Variants in LHFPL3 observed in about 807,000 individuals in gnomAD.
The protein encoded by LHFPL3 is LHFPL tetraspan subfamily member 3 protein.
LHFPL3 carries 5 observed loss-of-function variants against 19.3 expected under a neutral mutation model. The ratio of observed to expected loss-of-function variants is 0.26; its 90% confidence interval spans 0.14 to 0.54. LHFPL3 has a LOEUF of 0.54. Among genes scored for constraint, LHFPL3 ranks in the 20% least tolerant of loss-of-function variants. LHFPL3 has a pLI of 0.94. For synonymous variants in LHFPL3, 133 were observed against 126.2 expected, an observed-to-expected ratio of 1.05 and a Z score of -0.36; for missense variants, 249 against 307.4, an observed-to-expected ratio of 0.81 and a Z score of 1.42.
chr7:104,905,678 A>G (rs139713638), intron 2 of LHFPL3, among the ~76,000 whole-genome samples: 85 of 152,378 alleles, frequency 5.6e-4, no homozygotes, highest in African/African-American at 1.8e-3. Flanking sequence ...TACTGTAATT[A>G]CAATTGTATA....
intron 2 of LHFPL3, among the ~76,000 whole-genome samples, chr7:104,824,387 ATAAT>A (rs1244008293): frequency 1.2e-3 from 10 of 8,380 alleles, no homozygotes; most frequent in Admixed American, 5.8e-3. Flanking sequence ...TATAATATAT[ATAAT>A]TATAGATAAT....
chr7:104,746,354 T>A (rs1794046505), intron 2 of LHFPL3, among the ~76,000 whole-genome samples: 1 of 151,112 alleles, frequency 6.6e-6, no homozygotes, highest in Non-Finnish European at 1.5e-5. Flanking sequence ...CTCCAGAGAG[T>A]CTCATTCAGT....
At chr7:104,451,260 T>G (rs1324431715) in intron 1 of LHFPL3, among the ~76,000 whole-genome samples, 1 of 152,226 alleles carries the variant, frequency 6.6e-6, no homozygotes, top group Non-Finnish European at 1.5e-5. Flanking sequence ...AGTACTGCTT[T>G]TTAAAATATC....
rs964997028 is a variant in LHFPL3 at position 104,853,416 on chromosome 7, T to G, written c.683-52771T>G. On this transcript the variant is annotated intron_variant, in intron 2 of 2. Transcript: ENST00000424859. ...CTACTCTGTGCCTGGGGGATCTTTCTCTCCCTCCTTCCAACCTTCTGGAAT... is the reference window on the plus strand; with the variant it reads ...CTACTCTGTGCCTGGGGGATCTTTCGCTCCCTCCTTCCAACCTTCTGGAAT... 3.3e-5 allele frequency among the ~76,000 whole-genome samples: 5 copies of G among 152,314 alleles called. No individual in the cohort carries two copies. The East Asian group carries it at 9.6e-4, about 29-fold the overall frequency.
At chr7:104,478,731 C>T (rs1793073972) in intron 1 of LHFPL3, among the ~76,000 whole-genome samples, 1 of 152,166 alleles carries the variant, frequency 6.6e-6, no homozygotes, top group Non-Finnish European at 1.5e-5. Context: ...AATCAAAGAG[C>T]CTTGCCAAGT....
intron 1 of LHFPL3, among the ~76,000 whole-genome samples, chr7:104,395,942 G>A (rs1206844546): frequency 1.3e-5 from 2 of 152,144 alleles, no homozygotes; most frequent in Non-Finnish European, 2.9e-5. Flanking sequence ...AAATAGGCAA[G>A]TAAACCTAAG....
chr7:104,845,303 C>A, intron 2 of LHFPL3: 2 of 802,298 alleles, frequency 2.5e-6, no homozygotes, highest in South Asian at 2.9e-5. Flanking sequence ...ATGACGTTGT[C>A]AGTTTTAATC....
intron 1 of LHFPL3, among the ~76,000 whole-genome samples, chr7:104,367,923 T>C (rs1790527450): frequency 6.6e-6 from 1 of 152,260 alleles, no homozygotes; most frequent in Non-Finnish European, 1.5e-5. Flanking sequence ...CAAGGCTTAC[T>C]TTCCCCTTGT....
chr7:104,765,543 T>C (rs1794443390), intron 2 of LHFPL3, among the ~76,000 whole-genome samples: 1 of 152,232 alleles, frequency 6.6e-6, no homozygotes, highest in Non-Finnish European at 1.5e-5. Context: ...GTGCTTTCCT[T>C]TCAACCTACC....
chr7:104,757,253 C>A (rs759402405), intron 2 of LHFPL3, among the ~76,000 whole-genome samples: 7 of 152,154 alleles, frequency 4.6e-5, no homozygotes, highest in Non-Finnish European at 2.9e-5. Context: ...ACTATAAAAT[C>A]TTAAAAGGAA....
At chr7:104,714,528 T>A (rs1793351885) in intron 1 of LHFPL3, among the ~76,000 whole-genome samples, 1 of 152,086 alleles carries the variant, frequency 6.6e-6, no homozygotes, top group Non-Finnish European at 1.5e-5. Flanking sequence ...TTTTTTTTTT[T>A]AGCAGTTCTT....
intron 2 of LHFPL3, among the ~76,000 whole-genome samples, chr7:104,855,202 T>G (rs1299952297): frequency 6.6e-6 from 1 of 152,218 alleles, no homozygotes; most frequent in Admixed American, 6.5e-5. Flanking sequence ...TGAGACACCG[T>G]GTCATGATGG....
intron 1 of LHFPL3, among the ~76,000 whole-genome samples, chr7:104,359,166 C>A (rs1458960701): frequency 6.6e-6 from 1 of 152,190 alleles, no homozygotes; most frequent in African/African-American, 2.4e-5. Flanking sequence ...AGAAACCACA[C>A]GTTGCATATT....
intron 1 of LHFPL3, among the ~76,000 whole-genome samples, chr7:104,596,449 G>C (rs1390283615): frequency 6.6e-6 from 1 of 152,152 alleles, no homozygotes; most frequent in Non-Finnish European, 1.5e-5. Flanking sequence ...ATGATTTATT[G>C]ATGGTTACAA....
intron 1 of LHFPL3, among the ~76,000 whole-genome samples, chr7:104,466,488 A>G (rs1331614608): frequency 3.3e-5 from 5 of 152,220 alleles, no homozygotes; most frequent in African/African-American, 1.2e-4. Flanking sequence ...TGCTACTACT[A>G]AAAATATCTA....
At chr7:104,851,980 C>T (rs1332139738) in intron 2 of LHFPL3, among the ~76,000 whole-genome samples, 2 of 152,072 alleles carry the variant, frequency 1.3e-5, no homozygotes, top group Non-Finnish European at 2.9e-5. Context: ...CTTTCCTTAT[C>T]CATTTACCCA....
At chr7:104,461,579 C>T (rs1047619136) in intron 1 of LHFPL3, among the ~76,000 whole-genome samples, 1 of 151,988 alleles carries the variant, frequency 6.6e-6, no homozygotes, top group Non-Finnish European at 1.5e-5. Flanking sequence ...GTTTTTATAC[C>T]AGTAACCATG....
At chr7:104,779,106 G>A (rs934552038) in intron 2 of LHFPL3, among the ~76,000 whole-genome samples, 2 of 152,156 alleles carry the variant, frequency 1.3e-5, no homozygotes, top group African/African-American at 4.8e-5. Context: ...CAGCCTGACT[G>A]ACTACCTGCA....
chr7:104,896,710 T>C (rs1273659098), intron 2 of LHFPL3, among the ~76,000 whole-genome samples: 3 of 152,126 alleles, frequency 2.0e-5, no homozygotes, highest in Non-Finnish European at 4.4e-5. Flanking sequence ...GAGGAGGGGC[T>C]GGAGCAGGGA....
Sources: gnomAD v4.1 joint callset for allele counts (sites outside exome capture counted in the v4.1 genomes callset) on GRCh38, gnomAD v4.1.1 for gene constraint, MANE v1.5 for transcripts, NCBI Gene and HGNC (gene_info 2026-07-23, HGNC 2026-07-21) for gene names.